Variants in NIBAN1 observed in about 807,000 individuals in gnomAD.
The protein encoded by NIBAN1 is protein Niban 1.
NIBAN1 carries 81 observed loss-of-function variants against 75.1 expected under a neutral mutation model. The ratio of observed to expected loss-of-function variants is 1.08; its 90% CI spans 0.90 to 1.30. The LOEUF (loss-of-function observed/expected upper bound fraction) is 1.30, where lower values mean the gene tolerates loss of function less well. Among genes scored for constraint, NIBAN1 ranks in the 50% most tolerant of loss-of-function variants. NIBAN1 has a pLI of 0.00. For synonymous variants in NIBAN1, 436 were observed against 424.8 expected, an observed-to-expected ratio of 1.03 and a Z score of -0.32; for missense variants, 1,133 against 1,128.1, an observed-to-expected ratio of 1.00 and a Z score of -0.06.
At chr1:184,804,934 GC>G (rs1195816278) in intron 11 of NIBAN1, among the ~76,000 whole-genome samples, 4 of 151,898 alleles carry the variant, frequency 2.6e-5, no homozygotes, top group Admixed American at 2.6e-4. Flanking sequence ...GACTACAGGT[GC>G]CCACCACCAC....
At chr1:184,914,721 CT>C (rs35169090) in intron 1 of NIBAN1, among the ~76,000 whole-genome samples, 63,070 of 126,056 alleles carry the variant, frequency 0.5, 13,851 homozygotes, top group African/African-American at 0.67. Flanking sequence ...AGTTAACTTT[CT>C]TTTTTTTTTT....
chr1:184,835,371 T>A (rs1655110555), intron 5 of NIBAN1, among the ~76,000 whole-genome samples: 1 of 152,244 alleles, frequency 6.6e-6, no homozygotes, highest in Non-Finnish European at 1.5e-5. Flanking sequence ...TTTTTTCCAA[T>A]TCTGTGAAGA....
At chr1:184,932,515 C>A (rs1409832628) in intron 1 of NIBAN1, among the ~76,000 whole-genome samples, 1 of 152,124 alleles carries the variant, frequency 6.6e-6, no homozygotes, top group Non-Finnish European at 1.5e-5. Flanking sequence ...GGTGGTAATG[C>A]AAGTAATGGG....
chr1:184,890,180 C>T lies in NIBAN1; in HGVS notation c.361G>A (p.Ala121Thr), dbSNP rs1656628887. ...TCTGAGGTTAACACCTTGCCACCGG[C>T]TGGAAGAATTCGACATTTAGGAGCA... The part of the protein sequence containing the change: ...GAAPKCRILP[A>T]GGKVLTSEDE... Residue 121 changes from alanine (A) to threonine (T), a missense_variant, in exon 4 of 14, where the codon GCC becomes ACC. Coordinates refer to ENST00000367511, the MANE Select transcript of NIBAN1 (RefSeq NM_052966.4). 6.2e-7 allele frequency: 1 copy of T among 1,613,834 alleles called. No individual in the cohort carries two copies. The highest frequency in any genetic ancestry group is 8.5e-7 in the Non-Finnish European group (1 of 1,179,886).
Position 184,794,735 on chromosome 1 carries a change from AG to A in NIBAN1, c.*241del. Reference sequence around the variant, plus strand: ...ACATCCTCAGCTCCCTCTCACCCCAAGTATGCCATTGTCTTTGTAATTCTTA... The same window carrying A: ...ACATCCTCAGCTCCCTCTCACCCCAATATGCCATTGTCTTTGTAATTCTTA... On this transcript the variant is annotated 3_prime_UTR_variant, in exon 14 of 14. Coordinates refer to ENST00000367511, the MANE Select transcript of NIBAN1 (RefSeq NM_052966.4). 1.7e-6 allele frequency: 1 copy of A among 576,402 alleles called. No individual in the cohort carries two copies. The highest frequency in any genetic ancestry group is 3.1e-5 in the East Asian group (1 of 32,090). The allele number at this position is 576,402 out of a possible 1,614,324, so 35.7% of individuals were successfully genotyped here. A position where few individuals can be genotyped will look rare whatever the true frequency, so the allele number is the denominator to read the frequency against.
intron 1 of NIBAN1, among the ~76,000 whole-genome samples, chr1:184,916,237 C>A (rs962127809): frequency 6.6e-6 from 1 of 152,070 alleles, no homozygotes; most frequent in African/African-American, 2.4e-5. Flanking sequence ...TAAATAGATA[C>A]CATTGCTTTG....
chr1:184,925,816 T>C (rs943725139), intron 1 of NIBAN1, among the ~76,000 whole-genome samples: 2 of 152,198 alleles, frequency 1.3e-5, no homozygotes, highest in African/African-American at 4.8e-5. Context: ...TAGTTATTAT[T>C]TTTGATCAGT....
At chr1:184,866,430 T>C (rs949592843) in intron 5 of NIBAN1, among the ~76,000 whole-genome samples, 3 of 152,068 alleles carry the variant, frequency 2.0e-5, no homozygotes, top group South Asian at 2.1e-4. Context: ...GAATTGAAAA[T>C]AGTGTTATAA....
At chr1:184,854,448 G>A (rs1394173390) in intron 5 of NIBAN1, among the ~76,000 whole-genome samples, 1 of 152,100 alleles carries the variant, frequency 6.6e-6, no homozygotes, top group Non-Finnish European at 1.5e-5. Flanking sequence ...ACAAAATTAA[G>A]GAATAAAATA....
At chr1:184,826,603 G>A (rs1191896058) in intron 6 of NIBAN1, among the ~76,000 whole-genome samples, 2 of 152,140 alleles carry the variant, frequency 1.3e-5, no homozygotes, top group Admixed American at 6.5e-5. Flanking sequence ...AAACTCAAGG[G>A]TCATAAGAAT....
chr1:184,857,550 T>C (rs1655711327), intron 5 of NIBAN1, among the ~76,000 whole-genome samples: 1 of 152,152 alleles, frequency 6.6e-6, no homozygotes, highest in Non-Finnish European at 1.5e-5. Context: ...AAATTCACAA[T>C]GAGAATATAT....
intron 5 of NIBAN1, among the ~76,000 whole-genome samples, chr1:184,882,323 A>T (rs1456359300): frequency 2.0e-5 from 3 of 152,356 alleles, no homozygotes; most frequent in Middle Eastern, 3.4e-3. Context: ...AGAAAATGTG[A>T]CACAATAAAG....
intron 1 of NIBAN1, among the ~76,000 whole-genome samples, chr1:184,902,036 A>G (rs539960779): frequency 6.6e-6 from 1 of 152,290 alleles, no homozygotes; most frequent in Admixed American, 6.5e-5. Flanking sequence ...ATAAGTACCC[A>G]ATGTAGGGAT....
At chr1:184,897,084 A>C (rs1656819709) in intron 2 of NIBAN1, among the ~76,000 whole-genome samples, 1 of 152,148 alleles carries the variant, frequency 6.6e-6, no homozygotes, top group African/African-American at 2.4e-5. Flanking sequence ...GTAAGATGAC[A>C]TTGGTAATTT....
chr1:184,882,877 AT>A (rs887977433), intron 5 of NIBAN1, among the ~76,000 whole-genome samples: 1 of 152,192 alleles, frequency 6.6e-6, no homozygotes, highest in African/African-American at 2.4e-5. Flanking sequence ...GTGCTGGGCA[AT>A]TTTTTGTCTC....
intron 11 of NIBAN1, among the ~76,000 whole-genome samples, chr1:184,805,631 A>G (rs965919814): frequency 6.6e-5 from 10 of 152,182 alleles, no homozygotes; most frequent in African/African-American, 2.4e-4. Context: ...TGCCTTGCCT[A>G]CTTTTACATC....
At chr1:184,814,683 T>C (rs1373937231) in intron 9 of NIBAN1, among the ~76,000 whole-genome samples, 2 of 152,226 alleles carry the variant, frequency 1.3e-5, no homozygotes, top group East Asian at 3.8e-4. Context: ...AAACCTGTGG[T>C]ATTTGACAAA....
At chr1:184,945,315 C>T (rs1295845268) in intron 1 of NIBAN1, among the ~76,000 whole-genome samples, 1 of 150,828 alleles carries the variant, frequency 6.6e-6, no homozygotes, top group Admixed American at 6.7e-5. Context: ...CAGAAACCCT[C>T]TTAACCACCC....
intron 1 of NIBAN1, among the ~76,000 whole-genome samples, chr1:184,921,714 A>C (rs1333035863): frequency 6.6e-6 from 1 of 152,234 alleles, no homozygotes; most frequent in Non-Finnish European, 1.5e-5. Flanking sequence ...GCCAAAGCAC[A>C]GCATTATCAA....
Sources: gnomAD v4.1 joint callset for allele counts (sites outside exome capture counted in the v4.1 genomes callset) on GRCh38, gnomAD v4.1.1 for gene constraint, MANE v1.5 for transcripts, NCBI Gene and HGNC (gene_info 2026-07-23, HGNC 2026-07-21) for gene names.